Variants in RARB observed in about 807,000 individuals in gnomAD.
The protein encoded by RARB is HBV-activated protein.
A neutral mutation model predicts 51.9 loss-of-function variants in RARB; 17 were observed. That is an observed-to-expected ratio of 0.33 (90% CI 0.22 to 0.49). The LOEUF (loss-of-function observed/expected upper bound fraction) is 0.49. Among genes scored for constraint, RARB ranks in the 20% least tolerant of loss-of-function variants. The pLI, the probability that RARB is intolerant of heterozygous loss-of-function variation, is 0.99. For synonymous variants in RARB, 215 were observed against 195.4 expected (o/e 1.10, Z -0.84); for missense variants, 369 against 550.8 (o/e 0.67, Z 3.30).
intron 2 of RARB, among the ~76,000 whole-genome samples, chr3:24,959,372 G>A (rs1282856180): frequency 6.6e-6 from 1 of 152,182 alleles, no homozygotes; most frequent in African/African-American, 2.4e-5. Flanking sequence ...GGAGCAGGAA[G>A]GTATTCTTCT....
At chr3:25,235,251 C>T (rs1442904671) in intron 5 of RARB, among the ~76,000 whole-genome samples, 2 of 152,096 alleles carry the variant, frequency 1.3e-5, no homozygotes, top group Admixed American at 1.3e-4. Context: ...TGAAACTCTT[C>T]GGCTGTAGTA....
chr3:25,212,492 C>A (rs1482613489), intron 5 of RARB, among the ~76,000 whole-genome samples: 2 of 152,146 alleles, frequency 1.3e-5, no homozygotes, highest in African/African-American at 2.4e-5. Context: ...GTGGCACATG[C>A]CTGTAATCCC....
chr3:25,274,508 A>C (rs1703332887), intron 5 of RARB, among the ~76,000 whole-genome samples: 1 of 152,196 alleles, frequency 6.6e-6, no homozygotes, highest in Non-Finnish European at 1.5e-5. Flanking sequence ...ACTGCTGAGT[A>C]AAAAGATGGG....
intron 5 of RARB, among the ~76,000 whole-genome samples, chr3:25,391,477 T>G (rs1294053983): frequency 1.3e-5 from 2 of 152,198 alleles, no homozygotes; most frequent in East Asian, 3.8e-4. Flanking sequence ...CCACACTGTC[T>G]TTCATAGTGG....
intron 2 of RARB, among the ~76,000 whole-genome samples, chr3:24,994,000 C>T (rs565719500): frequency 1.9e-4 from 29 of 152,210 alleles, no homozygotes; most frequent in African/African-American, 6.5e-4. Context: ...CAATGATTTT[C>T]TTTCCTTTGG....
intron 2 of RARB, among the ~76,000 whole-genome samples, chr3:24,888,560 G>T (rs893498139): frequency 6.6e-6 from 1 of 151,956 alleles, no homozygotes; most frequent in South Asian, 2.1e-4. Context: ...CTAGTAATGT[G>T]ATATTTAACA....
At chr3:25,508,552 T>C (rs571442144) in intron 3 of RARB, among the ~76,000 whole-genome samples, 1 of 152,338 alleles carries the variant, frequency 6.6e-6, no homozygotes, top group South Asian at 2.1e-4. Context: ...GGTTGCACTG[T>C]GTAGTTGGGA....
chr3:25,315,534 C>T (rs1218082723), intron 5 of RARB, among the ~76,000 whole-genome samples: 3 of 152,120 alleles, frequency 2.0e-5, no homozygotes, highest in Non-Finnish European at 1.5e-5. Context: ...AAAGGAAGCA[C>T]TGGCAAGAGA....
At chr3:25,192,171 C>T (rs1242551797) in intron 5 of RARB, among the ~76,000 whole-genome samples, 3 of 151,984 alleles carry the variant, frequency 2.0e-5, no homozygotes, top group East Asian at 3.9e-4. Flanking sequence ...AATGAGAAAC[C>T]TTGTTGGTAT....
chr3:24,905,616 G>A (rs929312188), intron 2 of RARB, among the ~76,000 whole-genome samples: 2 of 152,308 alleles, frequency 1.3e-5, no homozygotes, highest in African/African-American at 2.4e-5. Flanking sequence ...GAGATTGTAA[G>A]CATTTTGTTT....
intron 2 of RARB, among the ~76,000 whole-genome samples, chr3:24,912,135 TAGC>T (rs1337481243): frequency 5.9e-5 from 9 of 152,254 alleles, no homozygotes; most frequent in African/African-American, 1.7e-4. Flanking sequence ...TTCCTGCAGA[TAGC>T]AGGAGAGTTG....
chr3:24,834,406 C>T (rs976551533), intron 1 of RARB, among the ~76,000 whole-genome samples: 4 of 152,110 alleles, frequency 2.6e-5, no homozygotes, highest in African/African-American at 9.7e-5. Context: ...GACTGAGAAT[C>T]AAGCATGTTC....
chr3:25,247,243 T>TTAGC (rs995155603), intron 5 of RARB, among the ~76,000 whole-genome samples: 96 of 152,356 alleles, frequency 6.3e-4, no homozygotes, highest in African/African-American at 2.2e-3. Context: ...CCAGTGGGTC[T>TTAGC]TAGCTTGCTG....
chr3:25,144,230 G>T (rs985837701), intron 4 of RARB, among the ~76,000 whole-genome samples: 2 of 152,032 alleles, frequency 1.3e-5, no homozygotes, highest in African/African-American at 4.8e-5. Flanking sequence ...AAGATGGCAG[G>T]GTACTTAAAA....
At chr3:25,057,507 CTA>C (rs1415480023) in intron 2 of RARB, among the ~76,000 whole-genome samples, 2 of 152,022 alleles carry the variant, frequency 1.3e-5, no homozygotes, top group Admixed American at 6.6e-5. Flanking sequence ...TTCAATTAAT[CTA>C]TGTTGGCTTG....
chr3:25,228,859 T>C (rs73042380), intron 5 of RARB, among the ~76,000 whole-genome samples: 15,513 of 152,160 alleles, frequency 0.1, 988 homozygotes, highest in South Asian at 0.26. Flanking sequence ...GAGCAAATCT[T>C]TGAAGTAGTC....
intron 3 of RARB, among the ~76,000 whole-genome samples, chr3:25,102,497 G>A (rs1431127190): frequency 6.6e-6 from 1 of 151,868 alleles, no homozygotes; most frequent in East Asian, 1.9e-4. Flanking sequence ...CCAAGATCGT[G>A]CCATTGCACT....
At chr3:25,482,557 T>TTG (rs1457343089) in intron 2 of RARB, among the ~76,000 whole-genome samples, 2 of 84,014 alleles carry the variant, frequency 2.4e-5, no homozygotes, top group African/African-American at 7.7e-5. Flanking sequence ...TTTTTTTTTT[T>TTG]GAGACGGAGT....
At chr3:25,324,042 A>G (rs1317677256) in intron 5 of RARB, 1 of 148,604 alleles carries the variant, frequency 6.7e-6, no homozygotes, top group Non-Finnish European at 1.5e-5. Flanking sequence ...GTGGAAGAAA[A>G]TCAAGAAAAT....
Sources: gnomAD v4.1 joint callset for allele counts (sites outside exome capture counted in the v4.1 genomes callset) on GRCh38, gnomAD v4.1.1 for gene constraint, MANE v1.5 for transcripts, NCBI Gene and HGNC (gene_info 2026-07-23, HGNC 2026-07-21) for gene names.